ELMOD1: variants seen among roughly 807,000 people sequenced by gnomAD.
The protein encoded by ELMOD1 is ELMO domain-containing protein 1.
A neutral mutation model predicts 46.7 loss-of-function variants in ELMOD1; 21 were observed. That is an observed-to-expected ratio of 0.45 (90% confidence interval 0.32 to 0.65). The LOEUF is 0.65. Among genes scored for constraint, ELMOD1 ranks in the 30% least tolerant of loss-of-function variants. The probability of loss-of-function intolerance (pLI) is 0.04; values close to 1 mark genes in which losing one functional copy is unlikely to be tolerated. For synonymous variants in ELMOD1, 122 were observed against 138.2 expected (o/e 0.88, Z 0.82); for missense variants, 348 against 407.8 (o/e 0.85, Z 1.26).
chr11:107,612,472 T>C (rs1050721200), intron 1 of ELMOD1, among the ~76,000 whole-genome samples: 6 of 152,138 alleles, frequency 3.9e-5, no homozygotes, highest in Admixed American at 3.9e-4. Flanking sequence ...CATACGCATA[T>C]AACAAACCTG....
chr11:107,599,721 G>A (rs1157564839), intron 1 of ELMOD1, among the ~76,000 whole-genome samples: 3 of 123,994 alleles, frequency 2.4e-5, no homozygotes, highest in African/African-American at 6.4e-5. Flanking sequence ...CAGCCAGGGC[G>A]ACAGAGCGAG....
chr11:107,596,883 G>A (rs1327876888), intron 1 of ELMOD1, among the ~76,000 whole-genome samples: 2 of 151,930 alleles, frequency 1.3e-5, no homozygotes, highest in Non-Finnish European at 2.9e-5. Context: ...TAGATAACCT[G>A]GAATATTTAA....
rs200367659 is a variant in ELMOD1, at chr11:107,628,086, CT to C, written c.18-2318del. 9.7e-3 allele frequency among the ~76,000 whole-genome samples: 1,383 copies of C among 142,626 alleles called. 16 individuals carry two copies. Among genetic ancestry groups the C allele is most frequent in the East Asian group, 0.065 (324 of 4,958 alleles). 93.6% of individuals were successfully genotyped at this position (142,626 alleles called of 152,430 possible). A position where few individuals can be genotyped will look rare whatever the true frequency, so the allele number is the denominator to read the frequency against. ...ACCAGTTAACAAGATATTGCTCAAT[CT>C]TTTTTTTTTTTTGGCATAGCTATCC... On this transcript the variant is annotated intron_variant, in intron 2 of 11. Transcript: ENST00000265840.
intron 2 of ELMOD1, among the ~76,000 whole-genome samples, chr11:107,626,560 ACTTCCC>A (rs1489175080): frequency 1.3e-4 from 6 of 46,164 alleles, no homozygotes; most frequent in East Asian, 7.4e-4. Context: ...CCTGTCCCCC[ACTTCCC>A]CTTCCCCTTC....
chr11:107,601,155 T>A (rs1865590612), intron 1 of ELMOD1, among the ~76,000 whole-genome samples: 1 of 152,076 alleles, frequency 6.6e-6, no homozygotes. Flanking sequence ...ATACTGCTGT[T>A]TCTTAGTATA....
At chr11:107,620,576 G>C (rs1035659983) in intron 2 of ELMOD1, 4 of 152,166 alleles carry the variant, frequency 2.6e-5, no homozygotes, top group Non-Finnish European at 5.9e-5. Context: ...TGCATGAAAA[G>C]AAAACATGAG....
At chr11:107,636,149 A>T (rs1300170726) in intron 6 of ELMOD1, among the ~76,000 whole-genome samples, 1 of 152,216 alleles carries the variant, frequency 6.6e-6, no homozygotes, top group East Asian at 1.9e-4. Flanking sequence ...ATCAGAGAAG[A>T]TAAAGTTGGT....
intron 1 of ELMOD1, among the ~76,000 whole-genome samples, chr11:107,604,592 G>T (rs1205148761): frequency 6.6e-6 from 1 of 152,112 alleles, no homozygotes; most frequent in Non-Finnish European, 1.5e-5. Context: ...TTAATTGGCA[G>T]CATTTTGTTT....
intron 2 of ELMOD1, among the ~76,000 whole-genome samples, chr11:107,623,105 C>A (rs1865979707): frequency 6.6e-6 from 1 of 152,134 alleles, no homozygotes. Context: ...AGGTATATCT[C>A]CTAATGCTAT....
chr11:107,629,145 A>G (rs1866094206), intron 2 of ELMOD1, among the ~76,000 whole-genome samples: 1 of 152,204 alleles, frequency 6.6e-6, no homozygotes, highest in South Asian at 2.1e-4. Context: ...GCCTTTGTGC[A>G]AATCAGACTG....
At chr11:107,641,851 A>C (rs761602255) in intron 6 of ELMOD1, among the ~76,000 whole-genome samples, 1 of 151,908 alleles carries the variant, frequency 6.6e-6, no homozygotes, top group Non-Finnish European at 1.5e-5. Flanking sequence ...GGAACTATGT[A>C]CTACAGAACT....
chr11:107,656,449 A>G (rs1300064066), intron 11 of ELMOD1, among the ~76,000 whole-genome samples: 3 of 147,996 alleles, frequency 2.0e-5, no homozygotes. Flanking sequence ...TGATATATAT[A>G]AAAATATATA....
At chr11:107,592,184 A>G in intron 1 of ELMOD1, 2 of 380,794 alleles carry the variant, frequency 5.3e-6, no homozygotes, top group South Asian at 4.1e-5. Context: ...GTTCGGTAAC[A>G]CATCTTATGA....
rs907803293 is a variant in ELMOD1 at position 107,636,450 on chromosome 11, C to A, written c.420+685C>A. On this transcript the variant is annotated intron_variant, in intron 6 of 11. Transcript: ENST00000265840. ...TAATTAAGACTACCCTTTAGAACTA[C>A]ATACTTACCTGAAATGTTTTATAAA... 3.3e-5 allele frequency among the ~76,000 whole-genome samples: 5 copies of A among 152,308 alleles called. No individual in the cohort carries two copies. The East Asian group carries it at 9.7e-4, about 29-fold the overall frequency.
At chr11:107,614,499 C>T (rs527808628) in intron 1 of ELMOD1, among the ~76,000 whole-genome samples, 211 of 152,172 alleles carry the variant, frequency 1.4e-3, no homozygotes, top group African/African-American at 4.8e-3. Context: ...CCACCACACC[C>T]GGCTAATTTT....
chr11:107,594,813 C>G (rs2135642029), intron 1 of ELMOD1, among the ~76,000 whole-genome samples: 1 of 152,316 alleles, frequency 6.6e-6, no homozygotes, highest in East Asian at 1.9e-4. Flanking sequence ...ATCCAGCTAT[C>G]TTTAAAAAAC....
intron 10 of ELMOD1, among the ~76,000 whole-genome samples, chr11:107,654,708 G>C (rs989644761): frequency 3.3e-5 from 5 of 149,992 alleles, no homozygotes; most frequent in Non-Finnish European, 7.4e-5. Flanking sequence ...GGCGGAGCTT[G>C]CAGTGAGTGG....
chr11:107,618,302 G>A, intron 2 of ELMOD1, 96 bp downstream of exon 2: 3 of 1,362,258 alleles, frequency 2.2e-6, no homozygotes, highest in Non-Finnish European at 3.1e-6. Context: ...GTGATCCTGT[G>A]ACCAGGACTC....
At chr11:107,606,990 A>G (rs1233913524) in intron 1 of ELMOD1, among the ~76,000 whole-genome samples, 2 of 152,236 alleles carry the variant, frequency 1.3e-5, no homozygotes, top group South Asian at 2.1e-4. Context: ...TTCCATATAC[A>G]TACATACTAA....
Sources: gnomAD v4.1 joint callset for allele counts (sites outside exome capture counted in the v4.1 genomes callset) on GRCh38, gnomAD v4.1.1 for gene constraint, MANE v1.5 for transcripts, NCBI Gene and HGNC (gene_info 2026-07-23, HGNC 2026-07-21) for gene names.